Variants in ERC2 observed in about 807,000 individuals in gnomAD.
ERC2 encodes ELKS/RAB6-interacting/CAST family member 2, also known as ERC protein 2.
Under a neutral mutation model 114.8 loss-of-function variants are expected in ERC2, and 42 were observed. The observed-to-expected ratio is 0.37, with a 90% confidence interval of 0.29 to 0.47. The LOEUF (loss-of-function observed/expected upper bound fraction) is 0.47. Ranked by LOEUF, ERC2 falls within the 20% of genes least tolerant of loss-of-function variation. The pLI is 0.99. For missense variants in ERC2, 939 were observed against 1,150.7 expected (o/e 0.82, Z 2.66); for synonymous variants, 454 against 425.5 (o/e 1.07, Z -0.82).
In ERC2 at chr3:56,173,427, A is replaced by G. The variant is rs763260828; in HGVS notation, c.1149+19T>C. ...CTCCCAAGGCATAACTGTTTCTGAC[A>G]AAAGTGCACAGTTCCTACCTTCATT... is the stretch of plus-strand genomic sequence containing the variant. On this transcript the variant is annotated intron_variant, in intron 4 of 17. Transcript: ENST00000288221. 2.2e-5 allele frequency: 35 copies of G among 1,611,270 alleles called. No homozygotes were observed. The Admixed American group carries it at 5.8e-4, about 27-fold the overall frequency.
chr3:55,533,338 G>A (rs1033537341), intron 17 of ERC2, among the ~76,000 whole-genome samples: 1 of 152,196 alleles, frequency 6.6e-6, no homozygotes, highest in African/African-American at 2.4e-5. Flanking sequence ...GCTCATGACC[G>A]TTCAAAGGTT....
At chr3:56,143,468 G>A (rs1403510532) in intron 5 of ERC2, among the ~76,000 whole-genome samples, 8 of 152,174 alleles carry the variant, frequency 5.3e-5, no homozygotes, top group Non-Finnish European at 1.5e-5. Context: ...CTGTTCTCAT[G>A]ATAGTGAATA....
intron 7 of ERC2, among the ~76,000 whole-genome samples, chr3:56,041,512 C>A (rs2075190322): frequency 6.6e-6 from 1 of 152,194 alleles, no homozygotes; most frequent in African/African-American, 2.4e-5. Flanking sequence ...TGGGCCATTA[C>A]TAAATCCCAG....
At chr3:55,866,027 C>T (rs1204787015) in intron 14 of ERC2, among the ~76,000 whole-genome samples, 1 of 152,114 alleles carries the variant, frequency 6.6e-6, no homozygotes, top group Admixed American at 6.6e-5. Context: ...GAGGAACTGC[C>T]AAACTGTTTT....
chr3:56,322,647 A>C (rs577693738), intron 2 of ERC2, among the ~76,000 whole-genome samples: 1 of 152,196 alleles, frequency 6.6e-6, no homozygotes, highest in East Asian at 1.9e-4. Context: ...CGAGGTGAGC[A>C]TTATAACTGT....
intron 17 of ERC2, among the ~76,000 whole-genome samples, chr3:55,574,392 C>T (rs923810436): frequency 9.9e-5 from 15 of 152,068 alleles, no homozygotes; most frequent in Non-Finnish European, 2.2e-4. Flanking sequence ...GTCATCTGGC[C>T]GATGCATGAG....
At chr3:56,151,405 C>G (rs2149957842) in intron 4 of ERC2, among the ~76,000 whole-genome samples, 1 of 152,128 alleles carries the variant, frequency 6.6e-6, no homozygotes, top group Middle Eastern at 3.4e-3. Context: ...GTTTCAAGGG[C>G]AAAAGAGCTC....
chr3:56,209,953 AT>A (rs1301883021), intron 3 of ERC2, among the ~76,000 whole-genome samples: 2 of 152,220 alleles, frequency 1.3e-5, no homozygotes, highest in African/African-American at 2.4e-5. Flanking sequence ...ATACTACAGT[AT>A]AAAAATACAT....
At chr3:55,885,049 T>C (rs1333172650) in intron 14 of ERC2, among the ~76,000 whole-genome samples, 2 of 152,144 alleles carry the variant, frequency 1.3e-5, no homozygotes. Context: ...AGTTTCTTTC[T>C]CTTGACTCAC....
At chr3:55,571,982 C>A (rs965126100) in intron 17 of ERC2, among the ~76,000 whole-genome samples, 3 of 152,216 alleles carry the variant, frequency 2.0e-5, no homozygotes, top group African/African-American at 7.2e-5. Flanking sequence ...CCTACCTGGG[C>A]CGAAATTCAG....
intron 13 of ERC2, among the ~76,000 whole-genome samples, chr3:55,910,414 AAAAAC>A (rs921212512): frequency 7.2e-5 from 11 of 152,088 alleles, no homozygotes; most frequent in Non-Finnish European, 1.5e-4. Flanking sequence ...AAAAAACAAA[AAAAAC>A]AAAACAAAAC....
intron 17 of ERC2, among the ~76,000 whole-genome samples, chr3:55,657,019 T>C (rs2060899436): frequency 6.6e-6 from 1 of 151,988 alleles, no homozygotes; most frequent in Admixed American, 6.6e-5. Context: ...GACTGCTGGA[T>C]TCCTGGCCCC....
At chr3:55,941,712 G>C (rs1266678674) in intron 13 of ERC2, among the ~76,000 whole-genome samples, 10 of 152,158 alleles carry the variant, frequency 6.6e-5, no homozygotes, top group Non-Finnish European at 1.3e-4. Context: ...TCCATCACAA[G>C]AGACTTCCTG....
At chr3:55,689,355 C>G (rs988594625) in intron 16 of ERC2, among the ~76,000 whole-genome samples, 2 of 152,126 alleles carry the variant, frequency 1.3e-5, no homozygotes, top group African/African-American at 4.8e-5. Flanking sequence ...CTTTGGTGCA[C>G]TGTGCCAGTT....
At chr3:55,896,117 C>A (rs557685820) in intron 13 of ERC2, among the ~76,000 whole-genome samples, 2 of 152,320 alleles carry the variant, frequency 1.3e-5, no homozygotes, top group South Asian at 4.1e-4. Flanking sequence ...GATACACACT[C>A]CTTTCCTTCA....
At chr3:56,243,070 T>C (rs557273038) in intron 3 of ERC2, among the ~76,000 whole-genome samples, 2 of 152,318 alleles carry the variant, frequency 1.3e-5, no homozygotes, top group Admixed American at 6.5e-5. Flanking sequence ...GTATGACTAA[T>C]ACAGAGAGTA....
chr3:55,610,506 AACACACACAC>A (rs1162337654), intron 17 of ERC2: 70 of 137,326 alleles, frequency 5.1e-4, no homozygotes, highest in East Asian at 2.0e-3. Context: ...TCTACGGAAA[AACACACACAC>A]ACACACACAC....
chr3:56,305,845 T>G (rs2056190790), intron 2 of ERC2, among the ~76,000 whole-genome samples: 1 of 151,922 alleles, frequency 6.6e-6, no homozygotes, highest in Admixed American at 6.6e-5. Flanking sequence ...ATATATTGTC[T>G]TTTTTTTGTT....
rs992256960 is a variant in ERC2, at chr3:55,868,935, A to G, written c.2564+19454T>C. ...GCTGGAGTTTTAAATAATATTTTCC[A>G]GGCTCAAGATCTCCCTGAAAAATTC... On this transcript the variant is annotated intron_variant, in intron 14 of 17. Transcript: ENST00000288221. Among the ~76,000 whole-genome samples, 8 of 152,294 alleles carry G rather than the reference A, an allele frequency of 5.3e-5. No homozygotes were observed. In the East Asian group the frequency reaches 1.5e-3, roughly 29 times the overall value.
Sources: gnomAD v4.1 joint callset for allele counts (sites outside exome capture counted in the v4.1 genomes callset) on GRCh38, gnomAD v4.1.1 for gene constraint, MANE v1.5 for transcripts, NCBI Gene and HGNC (gene_info 2026-07-23, HGNC 2026-07-21) for gene names.